The following HCK variants were observed in gnomAD, a reference collection of about 807,000 sequenced individuals.
HCK encodes tyrosine-protein kinase HCK.
HCK carries 40 observed loss-of-function variants against 70.4 expected under a neutral mutation model. The observed-to-expected ratio is 0.57, with a 90% confidence interval of 0.44 to 0.74. The LOEUF is 0.74. Ranked by LOEUF, HCK falls within the 30% of genes least tolerant of loss-of-function variation. The pLI, the probability that HCK is intolerant of heterozygous loss-of-function variation, is 0.00. For missense variants in HCK, 568 were observed against 697.2 expected (o/e 0.81, Z 2.09); for synonymous variants, 245 against 263.2 (o/e 0.93, Z 0.67).
chr20:32,094,769 GAAAGAA>G (rs2045920628), intron 11 of HCK, among the ~76,000 whole-genome samples: 2 of 119,862 alleles, frequency 1.7e-5, no homozygotes, highest in African/African-American at 6.3e-5. Context: ...AAGAAGGAAA[GAAAGAA>G]AGAGAGAGAA....
chr20:32,059,295 C>CCTTCCTT (rs1232043926), intron 1 of HCK, among the ~76,000 whole-genome samples: 2 of 148,788 alleles, frequency 1.3e-5, no homozygotes, highest in Middle Eastern at 3.5e-3. Context: ...TTCCTTCCTT[C>CCTTCCTT]CCTCCCTCCC....
At chr20:32,073,254 C>T (rs1215005222) in intron 2 of HCK, 65 bp from the exon 3 acceptor site, 2 of 1,412,210 alleles carry the variant, frequency 1.4e-6, no homozygotes, top group Admixed American at 1.7e-5. Flanking sequence ...CTTCTCAACA[C>T]AGACCTTCCA....
rs184135101 is a variant in HCK at position 32,056,394 on chromosome 20, T to C, written c.62+3908T>C. The stretch of plus-strand genomic sequence containing the variant: ...AGCCGGGCATTGTGGTGGGCGCCTG[T>C]AGTCCCAGCTACTCGGGAGGCTGAG... On this transcript the variant is annotated intron_variant, in intron 1 of 12. Transcript: ENST00000375852. Among the ~76,000 whole-genome samples, 1,252 of 152,052 alleles carry C rather than the reference T, an allele frequency of 8.2e-3. 12 individuals carry two copies. The highest frequency in any genetic ancestry group is 0.02 in the Middle Eastern group (6 of 294).
At chr20:32,080,668 TTC>T (rs1475356980) in intron 6 of HCK, among the ~76,000 whole-genome samples, 1 of 152,132 alleles carries the variant, frequency 6.6e-6, no homozygotes. Flanking sequence ...AATCTTTTCT[TTC>T]TGTTTTTCTT....
intron 5 of HCK, among the ~76,000 whole-genome samples, chr20:32,076,516 G>C (rs2122547818): frequency 6.6e-6 from 1 of 152,300 alleles, no homozygotes; most frequent in Middle Eastern, 3.4e-3. Context: ...AGGAGGCGTG[G>C]CTGGCATTAT....
In HCK at chr20:32,063,634, A is replaced by C. The variant is rs532115591; in HGVS notation, c.63-8028A>C. ...TCCTCCCATCCTCACCTACTCTAAT[A>C]GGTCTAGTACCATCTTACCTTCTCT... On this transcript the variant is annotated intron_variant, in intron 1 of 12. Coordinates refer to ENST00000375852, the MANE Select transcript of HCK (RefSeq NM_002110.5). 1.2e-4 allele frequency among the ~76,000 whole-genome samples: 19 copies of C among 152,156 alleles called. 1 individual carries two copies. The South Asian group carries it at 3.7e-3, about 30-fold the overall frequency.
At chr20:32,089,352 G>A (rs1043881234) in intron 10 of HCK, among the ~76,000 whole-genome samples, 1 of 152,244 alleles carries the variant, frequency 6.6e-6, no homozygotes, top group Non-Finnish European at 1.5e-5. Context: ...GCATAGAGCA[G>A]AAGTAAAGTA....
chr20:32,094,762 A>AG (rs1323879655), intron 11 of HCK, among the ~76,000 whole-genome samples: 42 of 122,872 alleles, frequency 3.4e-4, no homozygotes, highest in African/African-American at 5.3e-4. Context: ...AGAAAGAAAG[A>AG]AGGAAAGAAA....
At chr20:32,092,112 G>A (rs751157398) in intron 10 of HCK, among the ~76,000 whole-genome samples, 5 of 152,118 alleles carry the variant, frequency 3.3e-5, no homozygotes, top group Non-Finnish European at 5.9e-5. Flanking sequence ...GAAGCCGGCC[G>A]GTGGTGCTTT....
intron 7 of HCK, 54 bp from the exon 8 acceptor site, chr20:32,084,337 C>A: frequency 6.4e-7 from 1 of 1,554,908 alleles, no homozygotes; most frequent in South Asian, 1.2e-5. Flanking sequence ...CAAGGAGCAA[C>A]CTCTGGCTGG....
At chr20:32,082,547 TAGG>T (rs1163070374) in intron 6 of HCK, among the ~76,000 whole-genome samples, 1 of 151,772 alleles carries the variant, frequency 6.6e-6, no homozygotes, top group Non-Finnish European at 1.5e-5. Flanking sequence ...GAGGCTGAGG[TAGG>T]AGAATTGCTT....
In HCK at chr20:32,101,276, T is replaced by C. The variant is rs561601148; in HGVS notation, c.1379-41T>C. On this transcript the variant is annotated intron_variant, in intron 12 of 12. Transcript: ENST00000375852. ...GGCCTGCCACCCCTGGGCTCTCATT[T>C]CCCAACTGCTTCCGTTTCTAATTCC... 6.3e-6 allele frequency: 10 copies of C among 1,595,316 alleles called. No homozygotes were observed. In the Admixed American group the frequency reaches 1.2e-4, roughly 19 times the overall value.
Position 32,071,791 on chromosome 20 carries a change from G to A in HCK, c.183+9G>A, listed in dbSNP as rs2045543494. ...CATCCACCATCAAGCCGGTGAGTAG[G>A]GGAGGTCCCAGTTTCCCTGGGGGCT... On this transcript the variant is annotated intron_variant, in intron 2 of 12. Transcript: ENST00000375852. The A allele has an allele frequency of 1.2e-6, 2 of 1,612,336 alleles. No individual in the cohort carries two copies. Among genetic ancestry groups the A allele is most frequent in the East Asian group, 2.2e-5 (1 of 44,838 alleles).
chr20:32,056,236 G>A (rs141265857), intron 1 of HCK, among the ~76,000 whole-genome samples: 11 of 152,320 alleles, frequency 7.2e-5, no homozygotes, highest in Non-Finnish European at 1.0e-4. Flanking sequence ...CTCTGTGGCC[G>A]GGTGCGGTGG....
At position 32,073,731 on chromosome 20, in the gene HCK, TC is replaced by T; in HGVS notation, c.243del (p.Ile82SerfsTer27). 6.4e-7 allele frequency: 1 copy of T among 1,557,538 alleles called. No homozygotes were observed. The highest frequency in any genetic ancestry group is 8.7e-7 in the Non-Finnish European group (1 of 1,149,496). On this transcript the variant is annotated frameshift_variant, in exon 4 of 13. Transcript: ENST00000375852. LOFTEE classifies it high-confidence loss of function. ...CCCTTCCCAGCAGGCTCTGAGGACA[TC>T]ATCGTGGTTGCCCTGTATGATTACG...
At chr20:32,061,147 C>G (rs1039036142) in intron 1 of HCK, among the ~76,000 whole-genome samples, 2 of 152,176 alleles carry the variant, frequency 1.3e-5, no homozygotes, top group Non-Finnish European at 2.9e-5. Context: ...CCACGCCCAG[C>G]TAATTTTTGT....
intron 1 of HCK, among the ~76,000 whole-genome samples, chr20:32,063,525 A>C (rs1375508106): frequency 1.3e-5 from 2 of 152,064 alleles, no homozygotes; most frequent in Non-Finnish European, 2.9e-5. Context: ...CTGGGATTAC[A>C]GGCATGAGCC....
intron 1 of HCK, 95 bp from the exon 2 acceptor site, chr20:32,071,567 G>C (rs994432439): frequency 1.3e-6 from 2 of 1,522,866 alleles, no homozygotes; most frequent in Non-Finnish European, 1.8e-6. Flanking sequence ...GTGGGAGCCA[G>C]CCCGGGGGCA....
chr20:32,054,347 T>A, intron 1 of HCK: 1 of 455,120 alleles, frequency 2.2e-6, no homozygotes, highest in Non-Finnish European at 4.4e-6. Context: ...CAGTGGTTCA[T>A]GCCTGTAATC....
Sources: gnomAD v4.1 joint callset for allele counts (sites outside exome capture counted in the v4.1 genomes callset) on GRCh38, gnomAD v4.1.1 for gene constraint, MANE v1.5 for transcripts, NCBI Gene and HGNC (gene_info 2026-07-23, HGNC 2026-07-21) for gene names.